HIPK2: variants seen among roughly 807,000 people sequenced by gnomAD.
The protein encoded by HIPK2 is homeodomain interacting protein kinase 2, also known as homeodomain-interacting protein kinase 2.
HIPK2 carries 27 observed loss-of-function variants against 113.7 expected under a neutral mutation model. That is an observed-to-expected ratio of 0.24 (90% CI 0.17 to 0.33). The LOEUF is 0.33. HIPK2 is among the 10% of genes least tolerant of loss of function. The pLI is 1.00. For missense variants in HIPK2, 1,257 were observed against 1,588.0 expected, an observed-to-expected ratio of 0.79 and a Z score of 3.54; for synonymous variants, 631 against 642.2, an observed-to-expected ratio of 0.98 and a Z score of 0.26.
At chr7:139,735,658 A>G (rs1363571136) in intron 1 of HIPK2, among the ~76,000 whole-genome samples, 1 of 152,202 alleles carries the variant, frequency 6.6e-6, no homozygotes, top group African/African-American at 2.4e-5. Context: ...GGAAGTCGCA[A>G]CTGTTGCCCA....
chr7:139,702,163 G>C (rs1794727853), intron 2 of HIPK2, among the ~76,000 whole-genome samples: 1 of 152,190 alleles, frequency 6.6e-6, no homozygotes, highest in Non-Finnish European at 1.5e-5. Context: ...GGCGGGAGAG[G>C]CTGGGCAGCC....
intron 2 of HIPK2, among the ~76,000 whole-genome samples, chr7:139,688,726 T>C (rs1436279978): frequency 6.6e-6 from 1 of 152,016 alleles, no homozygotes. Context: ...CAGAGATGAG[T>C]TCCCATGTAA....
At chr7:139,729,653 A>C (rs930826333) in intron 1 of HIPK2, among the ~76,000 whole-genome samples, 10 of 152,344 alleles carry the variant, frequency 6.6e-5, no homozygotes, top group Admixed American at 2.0e-4. Context: ...TCAAGAAGAC[A>C]ACCTTTTAAA....
At chr7:139,608,292 TAAA>T in intron 9 of HIPK2, among the ~76,000 whole-genome samples, 1 of 147,038 alleles carries the variant, frequency 6.8e-6, no homozygotes, top group Admixed American at 6.9e-5. Flanking sequence ...TGTGTATAAA[TAAA>T]AACTTTTAGG....
chr7:139,687,775 C>T (rs752802114), intron 2 of HIPK2, among the ~76,000 whole-genome samples: 1 of 152,196 alleles, frequency 6.6e-6, no homozygotes, highest in Non-Finnish European at 1.5e-5. Context: ...ACCAGCTCTT[C>T]CTGTCCCAGG....
chr7:139,669,820 T>C (rs1365414489), intron 2 of HIPK2, among the ~76,000 whole-genome samples: 2 of 152,160 alleles, frequency 1.3e-5, no homozygotes, highest in Non-Finnish European at 2.9e-5. Flanking sequence ...TTTAGGAAAT[T>C]AATTAAATAT....
intron 9 of HIPK2, among the ~76,000 whole-genome samples, chr7:139,611,654 G>A (rs1799830272): frequency 1.3e-5 from 2 of 151,538 alleles, no homozygotes; most frequent in African/African-American, 4.9e-5. Context: ...TGATCCTTTT[G>A]CCTCAGCCTC....
chr7:139,608,287 A>G (rs1324519934), intron 9 of HIPK2, among the ~76,000 whole-genome samples: 11 of 66,378 alleles, frequency 1.7e-4, no homozygotes, highest in South Asian at 1.4e-3. Flanking sequence ...GTGTGTGTGT[A>G]TAAATAAAAA....
chr7:139,722,064 T>C (rs1487793257), intron 1 of HIPK2: 1 of 477,586 alleles, frequency 2.1e-6, no homozygotes, highest in African/African-American at 2.0e-5. Flanking sequence ...GAATCTCAGA[T>C]ATGCATGGGG....
chr7:139,600,097 AC>A (rs1279896085), intron 11 of HIPK2, among the ~76,000 whole-genome samples: 1 of 151,088 alleles, frequency 6.6e-6, no homozygotes, highest in Admixed American at 6.6e-5. Flanking sequence ...ATCCACCGAC[AC>A]CCCCCAACCC....
intron 12 of HIPK2, among the ~76,000 whole-genome samples, chr7:139,595,294 C>T (rs1344125275): frequency 2.0e-5 from 3 of 152,194 alleles, no homozygotes; most frequent in Admixed American, 2.0e-4. Context: ...CAGGGCCGTC[C>T]CCTTTGTGAA....
rs1799893035 is a variant in HIPK2 at position 139,613,072 on chromosome 7, A to G, written c.2112+130T>C. 2.7e-6 allele frequency: 3 copies of G among 1,099,878 alleles called. No individual in the cohort carries two copies. The allele number at this position is 1,099,878 out of a possible 1,614,324, so 68.1% of individuals were successfully genotyped here. On this transcript the variant is annotated intron_variant, in intron 9 of 14. Transcript: ENST00000406875. The surrounding 1 kb of genome is among the most constrained non-coding windows in gnomAD (Gnocchi z 4.2). ...ACTTGGGGACCATTTAGAATATTAC[A>G]GATACATTCCAATGACTAGAAGCAC... is the stretch of plus-strand genomic sequence containing the variant.
At chr7:139,626,006 T>TC (rs1018805673) in intron 6 of HIPK2, among the ~76,000 whole-genome samples, 4 of 152,124 alleles carry the variant, frequency 2.6e-5, no homozygotes, top group African/African-American at 9.7e-5. Flanking sequence ...GTCAGGTTCA[T>TC]CCAGCTCTGT....
intron 2 of HIPK2, among the ~76,000 whole-genome samples, chr7:139,656,760 AC>A (rs879870771): frequency 1.1e-4 from 16 of 152,080 alleles, no homozygotes; most frequent in Non-Finnish European, 1.6e-4. Context: ...ATTTGTGCAC[AC>A]CGCAATACTC....
intron 7 of HIPK2, among the ~76,000 whole-genome samples, chr7:139,617,376 T>C (rs529107545): frequency 3.3e-5 from 5 of 152,238 alleles, no homozygotes; most frequent in East Asian, 1.9e-4. Flanking sequence ...AAAAAGCAAG[T>C]TTATTGATGA....
chr7:139,693,517 T>C (rs1794473532), intron 2 of HIPK2, among the ~76,000 whole-genome samples: 1 of 152,150 alleles, frequency 6.6e-6, no homozygotes, highest in African/African-American at 2.4e-5. Flanking sequence ...GCACTACTTC[T>C]AGCCTTGTGC....
chr7:139,740,977 C>T (rs1247668978), intron 1 of HIPK2, among the ~76,000 whole-genome samples: 6 of 152,064 alleles, frequency 3.9e-5, no homozygotes, highest in African/African-American at 9.7e-5. Context: ...TGAAACCCCA[C>T]CTCTACTAAA....
At chr7:139,687,777 T>A (rs369226857) in intron 2 of HIPK2, among the ~76,000 whole-genome samples, 190 of 152,348 alleles carry the variant, frequency 1.2e-3, no homozygotes, top group African/African-American at 4.4e-3. Context: ...CAGCTCTTCC[T>A]GTCCCAGGCT....
chr7:139,772,516 A>G (rs1796668539), intron 1 of HIPK2, among the ~76,000 whole-genome samples: 1 of 152,236 alleles, frequency 6.6e-6, no homozygotes, highest in Non-Finnish European at 1.5e-5. Flanking sequence ...AGTATTTTCT[A>G]CACTCAGAAA....
Sources: allele counts gnomAD v4.1 joint callset (sites outside exome capture counted in the v4.1 genomes callset), GRCh38; gene constraint gnomAD v4.1.1; non-coding constraint Gnocchi (gnomAD v3.1); transcripts MANE v1.5; gene names NCBI Gene and HGNC (gene_info 2026-07-23, HGNC 2026-07-21).